PNPLA6: variants seen among roughly 807,000 people sequenced by gnomAD.
PNPLA6 encodes patatin like domain 6, lysophospholipase.
A neutral mutation model predicts 153.7 loss-of-function variants in PNPLA6; 105 were observed. The observed-to-expected ratio is 0.68, with a 90% CI of 0.58 to 0.80. PNPLA6 has a LOEUF of 0.80. PNPLA6 is among the 30% of genes least tolerant of loss of function. The probability of loss-of-function intolerance (pLI) is 0.00; values close to 1 mark genes in which losing one functional copy is unlikely to be tolerated. For synonymous variants in PNPLA6, 825 were observed against 822.2 expected (o/e 1.00, Z -0.06); for missense variants, 1,423 against 1,919.3 (o/e 0.74, Z 4.83).
chr19:7,554,261 C>T lies in PNPLA6; in HGVS notation c.2454C>T (p.Ser818=), dbSNP rs764034069. The T allele has an allele frequency of 5.9e-5, 95 of 1,613,532 alleles. No homozygotes were observed. In the East Asian group the frequency reaches 8.2e-4, roughly 14 times the overall value. The part of the protein sequence containing the change: ...SDIIRARLGA[S]ALDSIQEFRL... ...TCATCCGGGCACGCCTGGGGGCCTC[C>T]GCACTGGATAGGTGTGTGTTGCAGA... is the stretch of plus-strand genomic sequence containing the variant. Residue 818 remains serine (S), a synonymous_variant, in exon 20 of 32, where the codon TCC becomes TCT. Coordinates refer to ENST00000600737, the MANE Select transcript of PNPLA6 (RefSeq NM_001166114.2).
intron 18 of PNPLA6, 80 bp from the exon 19 acceptor site, chr19:7,553,795 G>A (rs1287783975): frequency 3.2e-6 from 5 of 1,563,346 alleles, no homozygotes; most frequent in Non-Finnish European, 4.4e-6. Context: ...TAAGGAGGAA[G>A]AGGAAGAAGA....
Position 7,550,124 on chromosome 19 carries a change from C to T in PNPLA6, c.1814+12C>T. The T allele has an allele frequency of 2.5e-6, 4 of 1,613,878 alleles. No individual in the cohort carries two copies. The highest frequency in any genetic ancestry group is 1.1e-5 in the South Asian group (1 of 91,084). On this transcript the variant is annotated intron_variant, in intron 14 of 31. Coordinates refer to ENST00000600737, the MANE Select transcript of PNPLA6 (RefSeq NM_001166114.2). ...TCCGACTTCTATGAGTATGACAGCC[C>T]GAAGTTGGAGTGTGGGTGGCACTCG... is the stretch of plus-strand genomic sequence containing the variant.
chr19:7,537,211 G>T (rs1415294224), intron 3 of PNPLA6, among the ~76,000 whole-genome samples: 1 of 152,108 alleles, frequency 6.6e-6, no homozygotes, highest in African/African-American at 2.4e-5. Context: ...CACATGAGTG[G>T]TTTTCTTCCA....
intron 3 of PNPLA6, 58 bp from the exon 4 acceptor site, chr19:7,539,860 G>A (rs1201681290): frequency 3.2e-6 from 4 of 1,239,954 alleles, no homozygotes; most frequent in African/African-American, 1.5e-5. Flanking sequence ...GGGGTCTTAG[G>A]TTTGCCTGAG....
In PNPLA6 at chr19:7,541,859, G is replaced by T. The variant is rs528469214; in HGVS notation, c.1169-125G>T. ...CTGGTACCGAGGAAGCTGTGGCCTC[G>T]TCCCCAAGGGCCCATTGGAATTGCT... On this transcript the variant is annotated intron_variant, in intron 9 of 31. Transcript: ENST00000600737. The surrounding 1 kb of genome is among the most constrained non-coding windows in gnomAD (Gnocchi z 5.2). 7.3e-5 allele frequency: 80 copies of T among 1,102,432 alleles called. 2 individuals are homozygous for T. The African/African-American group carries it at 1.1e-3, about 16-fold the overall frequency. 68.3% of individuals were successfully genotyped at this position (1,102,432 alleles called of 1,614,324 possible).
intron 13 of PNPLA6, among the ~76,000 whole-genome samples, chr19:7,548,714 T>TACACACAC (rs2023494863): frequency 1.1e-4 from 3 of 27,904 alleles, no homozygotes; most frequent in African/African-American, 2.4e-4. Flanking sequence ...CATATATATA[T>TACACACAC]ATATACACAC....
At position 7,554,607 on chromosome 19, in the gene PNPLA6, C is replaced by T. The variant is rs1599303242; in HGVS notation, c.2518C>T (p.Arg840Cys). ...GCTGGCCCAGCAGGAGGATGCACAC[C>T]GTATCGTACTCTACCAGACGGACGC... ...GWLAQQEDAH[R>C]IVLYQTDASL... Residue 840 changes from arginine to cysteine, a missense_variant, in exon 21 of 32, where the codon CGT (arginine) becomes TGT (cysteine). Arg to Cys is a radical substitution (Grantham distance 180). Transcript: ENST00000600737. 1.2e-6 allele frequency: 2 copies of T among 1,614,066 alleles called. No homozygotes were observed. Among genetic ancestry groups the T allele is most frequent in the Non-Finnish European group, 8.5e-7 (1 of 1,180,008 alleles).
rs981580092 is a variant in PNPLA6, at chr19:7,550,927, T to C, written c.2071-67T>C. The C allele has an allele frequency of 2.1e-5, 26 of 1,229,536 alleles. No homozygotes were observed. In the South Asian group the frequency reaches 3.3e-4, roughly 16 times the overall value. The allele number at this position is 1,229,536 out of a possible 1,614,324, so 76.2% of individuals were successfully genotyped here. A position where few individuals can be genotyped will look rare whatever the true frequency, so the allele number is the denominator to read the frequency against. On this transcript the variant is annotated intron_variant, in intron 16 of 31. Transcript: ENST00000600737. ...CCCTAGATGGGGCAGTACAGCCCCC[T>C]TTCCACCCATCTTCGGCCTCCTCAT...
intron 26 of PNPLA6, 174 bp from the exon 27 acceptor site, chr19:7,556,994 C>T (rs529110627): frequency 3.0e-5 from 22 of 743,966 alleles, no homozygotes; most frequent in Admixed American, 1.1e-4. Context: ...TCCGGGCCAG[C>T]GCCTCCTACT....
At chr19:7,544,985 A>T (rs1039278882) in intron 13 of PNPLA6, among the ~76,000 whole-genome samples, 2 of 151,090 alleles carry the variant, frequency 1.3e-5, no homozygotes, top group African/African-American at 4.9e-5. Context: ...CGTTGGCAGG[A>T]CTTTTGTTAG....
intron 13 of PNPLA6, among the ~76,000 whole-genome samples, chr19:7,544,204 T>C (rs1405583352): frequency 6.8e-6 from 1 of 147,138 alleles, no homozygotes; most frequent in East Asian, 2.1e-4. Flanking sequence ...CTCCGCCTCC[T>C]GGGTTCAAGC....
At position 7,556,978 on chromosome 19, in the gene PNPLA6, G is replaced by A. The variant is rs1206912499; in HGVS notation, c.3281-190G>A. On this transcript the variant is annotated intron_variant, in intron 26 of 31. Transcript: ENST00000600737. ...GCCATCCCCGCAGGCTGTGTGTGGC[G>A]TTACGTCCGGGCCAGCGCCTCCTAC... is the stretch of plus-strand genomic sequence containing the variant. The A allele has an allele frequency of 4.7e-5, 34 of 716,060 alleles. 1 individual carries two copies. The highest frequency in any genetic ancestry group is 4.3e-4 in the Admixed American group (22 of 50,872). 44.4% of individuals were successfully genotyped at this position (716,060 alleles called of 1,614,324 possible).
chr19:7,535,147 A>C, upstream of PNPLA6: 2 of 378,852 alleles, frequency 5.3e-6, no homozygotes, highest in South Asian at 2.7e-5. The surrounding 1 kb of genome is among the most constrained non-coding windows in gnomAD (Gnocchi z 5.0). Flanking sequence ...CCCGGGAGGA[A>C]GTCACCAGGT....
At chr19:7,550,150 G>T in intron 14 of PNPLA6, 38 bp downstream of exon 14, 1 of 1,611,060 alleles carries the variant, frequency 6.2e-7, no homozygotes. Flanking sequence ...GTGGCACTCG[G>T]AGGACCCCAA....
At chr19:7,560,900 CAG>C (rs2024070504) in intron 29 of PNPLA6, 112 bp from the exon 30 acceptor site, 5 of 853,770 alleles carry the variant, frequency 5.9e-6, no homozygotes, top group South Asian at 5.7e-5. Context: ...CTGCTGACTT[CAG>C]AGAGTTCCCA....
At position 7,557,302 on chromosome 19, in the gene PNPLA6, C is replaced by T. The variant is rs1568422394; in HGVS notation, c.3397+18C>T. 2.0e-6 allele frequency: 3 copies of T among 1,478,354 alleles called. No individual in the cohort carries two copies. Among genetic ancestry groups the T allele is most frequent in the Non-Finnish European group, 2.8e-6 (3 of 1,059,660 alleles). 91.6% of individuals were successfully genotyped at this position (1,478,354 alleles called of 1,614,324 possible). ...TCTGCCAGGCAAGTGGCCGCCCGCA[C>T]CACCCGCACACGCAAGCACCTCCCG... On this transcript the variant is annotated intron_variant, in intron 27 of 31. Transcript: ENST00000600737.
chr19:7,550,742 C>T (rs2023606974), intron 16 of PNPLA6, 102 bp downstream of exon 16: 5 of 1,450,130 alleles, frequency 3.4e-6, no homozygotes, highest in Non-Finnish European at 4.7e-6. Context: ...GTGAATGCAG[C>T]TCCCGACCTC....
At chr19:7,553,761 G>C in intron 18 of PNPLA6, 114 bp from the exon 19 acceptor site, 4 of 1,389,134 alleles carry the variant, frequency 2.9e-6, no homozygotes, top group Non-Finnish European at 4.1e-6. Flanking sequence ...TGCAGTCTGG[G>C]AGCACAGGAG....
chr19:7,543,021 G>A lies in PNPLA6; in HGVS notation c.1545G>A (p.Leu515=), dbSNP rs958794349. ...KLMRIEDPSL[L]NSRVLLHHAK... is the part of the protein sequence containing the mutation. The stretch of plus-strand genomic sequence containing the variant: ...TACCTCCCCAGGACCCCTCCCTCCT[G>A]AACAGCAGAGTCTTGCTGCACCACG... The change falls in exon 13 of 32, where the codon CTG becomes CTA. Residue 515 remains leucine, a synonymous_variant. Transcript: ENST00000600737. 1 of 1,614,018 alleles carries A rather than the reference G, an allele frequency of 6.2e-7. No individual in the cohort carries two copies.
Sources: gnomAD v4.1 joint callset for allele counts (sites outside exome capture counted in the v4.1 genomes callset) on GRCh38, gnomAD v4.1.1 for gene constraint, Gnocchi (gnomAD v3.1) non-coding constraint, MANE v1.5 for transcripts, NCBI Gene and HGNC (gene_info 2026-07-23, HGNC 2026-07-21) for gene names.